The following PHACTR4 variants were observed in gnomAD, a reference collection of about 807,000 sequenced individuals.
PHACTR4 encodes the protein phosphatase and actin regulator 4, also known as protein phosphatase 1, regulatory subunit 124.
PHACTR4 carries 51 observed loss-of-function variants against 72.7 expected under a neutral mutation model. That is an observed-to-expected ratio of 0.70 (90% CI 0.56 to 0.89). The LOEUF (loss-of-function observed/expected upper bound fraction) is 0.89, where lower values mean the gene tolerates loss of function less well. Ranked by LOEUF, PHACTR4 falls within the 40% of genes least tolerant of loss-of-function variation. PHACTR4 has a pLI of 0.00. For missense variants in PHACTR4, 731 were observed against 861.8 expected, an observed-to-expected ratio of 0.85 and a Z score of 1.90; for synonymous variants, 255 against 302.5, an observed-to-expected ratio of 0.84 and a Z score of 1.63.
intron 6 of PHACTR4, among the ~76,000 whole-genome samples, chr1:28,473,275 CAAAAAA>C (rs759485996): frequency 3.6e-5 from 3 of 82,282 alleles, no homozygotes; most frequent in Admixed American, 1.4e-4. Context: ...GACCCTGTCT[CAAAAAA>C]AAAAAAAAAA....
chr1:28,423,178 G>A (rs536836732), intron 2 of PHACTR4, among the ~76,000 whole-genome samples: 106 of 152,160 alleles, frequency 7.0e-4, no homozygotes, highest in Non-Finnish European at 1.9e-4. Flanking sequence ...TCTGGGAGGC[G>A]GGAGGATCCC....
intron 1 of PHACTR4, among the ~76,000 whole-genome samples, chr1:28,373,615 C>G (rs1341606914): frequency 6.6e-6 from 1 of 151,964 alleles, no homozygotes; most frequent in African/African-American, 2.4e-5. Flanking sequence ...TTTATAGAGA[C>G]AGGTCTCGCC....
chr1:28,415,668 G>A (rs1365557040), intron 2 of PHACTR4, among the ~76,000 whole-genome samples: 1 of 152,106 alleles, frequency 6.6e-6, no homozygotes, highest in Non-Finnish European at 1.5e-5. Flanking sequence ...AACATGACTT[G>A]TTGAAAATAC....
intron 9 of PHACTR4, among the ~76,000 whole-genome samples, chr1:28,483,872 ACTT>A (rs1171585625): frequency 6.6e-6 from 1 of 152,006 alleles, no homozygotes; most frequent in Non-Finnish European, 1.5e-5. Flanking sequence ...GATTTGGCAA[ACTT>A]CTTCTGTAAA....
chr1:28,448,406 G>A (rs1283034423), intron 2 of PHACTR4, among the ~76,000 whole-genome samples: 2 of 143,860 alleles, frequency 1.4e-5, no homozygotes, highest in African/African-American at 2.7e-5. Context: ...AGAAAAGAAA[G>A]GAAAGGAAAG....
At chr1:28,444,267 C>T (rs978348044) in intron 2 of PHACTR4, among the ~76,000 whole-genome samples, 5 of 122,294 alleles carry the variant, frequency 4.1e-5, no homozygotes, top group African/African-American at 9.2e-5. Context: ...TGCTCTGTCG[C>T]CAGGCTGGAA....
rs879042110 is a variant in PHACTR4, at chr1:28,499,065, C to CA, written c.*2534dup. On this transcript the variant is annotated 3_prime_UTR_variant, in exon 14 of 14. Transcript: ENST00000373839. The stretch of plus-strand genomic sequence containing the variant: ...CCTGGGCAACAGAGCGAGACTCCAT[C>CA]AAAAAAAAAAAAAAAAAAGAAGGAA... The CA allele has an allele frequency of 0.072, 5,951 of 82,188 alleles. 373 individuals carry two copies. The highest frequency in any genetic ancestry group is 0.18 in the African/African-American group (4,568 of 25,434). The allele number at this position is 82,188 out of a possible 1,614,324, so 5.1% of individuals were successfully genotyped here.
At chr1:28,443,419 C>T (rs1475681287) in intron 2 of PHACTR4, among the ~76,000 whole-genome samples, 1 of 151,906 alleles carries the variant, frequency 6.6e-6, no homozygotes, top group African/African-American at 2.4e-5. Context: ...GTAGCTGGGA[C>T]TACGGGTGCA....
At chr1:28,370,977 G>A (rs1651201731) in intron 1 of PHACTR4, among the ~76,000 whole-genome samples, 1 of 152,188 alleles carries the variant, frequency 6.6e-6, no homozygotes, top group Non-Finnish European at 1.5e-5. Flanking sequence ...AGGGGATGAG[G>A]TGTGGTAGAT....
chr1:28,376,781 C>T (rs1232904569), intron 1 of PHACTR4, among the ~76,000 whole-genome samples: 1 of 151,788 alleles, frequency 6.6e-6, no homozygotes, highest in Non-Finnish European at 1.5e-5. Context: ...GGACTATAGG[C>T]GCCCACCACC....
chr1:28,383,287 A>G (rs1403795137), intron 1 of PHACTR4, among the ~76,000 whole-genome samples: 1 of 152,116 alleles, frequency 6.6e-6, no homozygotes, highest in African/African-American at 2.4e-5. Flanking sequence ...GATGTTGGAT[A>G]GCATGATGCC....
chr1:28,372,097 C>T (rs865791954), intron 1 of PHACTR4, among the ~76,000 whole-genome samples: 1 of 151,142 alleles, frequency 6.6e-6, no homozygotes, highest in African/African-American at 2.4e-5. Flanking sequence ...GTTGGCCAGG[C>T]TGGTCTGGAA....
chr1:28,411,057 GT>G (rs1469713404), intron 2 of PHACTR4, among the ~76,000 whole-genome samples: 2 of 150,878 alleles, frequency 1.3e-5, no homozygotes, highest in African/African-American at 4.9e-5. Flanking sequence ...TTTTTTGGGG[GT>G]TTTTTTGAGG....
At chr1:28,404,876 AC>A (rs1349253375) in intron 1 of PHACTR4, among the ~76,000 whole-genome samples, 1 of 152,050 alleles carries the variant, frequency 6.6e-6, no homozygotes, top group Non-Finnish European at 1.5e-5. Flanking sequence ...CCCGGTAATA[AC>A]CATAACACCT....
At chr1:28,415,759 C>A (rs1425614082) in intron 2 of PHACTR4, among the ~76,000 whole-genome samples, 1 of 152,072 alleles carries the variant, frequency 6.6e-6, no homozygotes, top group East Asian at 1.9e-4. Context: ...GTTGCAAAGG[C>A]TTTATTCATA....
In PHACTR4 at chr1:28,473,794, C is replaced by G; in HGVS notation, c.1064C>G (p.Pro355Arg). The G allele has an allele frequency of 1.2e-6, 2 of 1,614,084 alleles. No individual in the cohort carries two copies. The highest frequency in any genetic ancestry group is 1.7e-6 in the Non-Finnish European group (2 of 1,180,028). ...CTGCCTACTCATATACCTCCAGAGCCTCCACGCACCCCTCCATTCCCTGCT... is the reference window on the plus strand; with the variant it reads ...CTGCCTACTCATATACCTCCAGAGCGTCCACGCACCCCTCCATTCCCTGCT... ...PPLPTHIPPE[P>R]PRTPPFPAKT... The change falls in exon 7 of 14, where the codon CCT (proline) becomes CGT (arginine). Residue 355 changes from proline (P) to arginine (R), a missense_variant. Pro to Arg is a moderately radical substitution (Grantham distance 103). Coordinates refer to ENST00000373839, the MANE Select transcript of PHACTR4 (RefSeq NM_001048183.3).
intron 1 of PHACTR4, among the ~76,000 whole-genome samples, chr1:28,394,782 G>A (rs1006669620): frequency 4.2e-4 from 64 of 151,980 alleles, no homozygotes; most frequent in Non-Finnish European, 1.3e-4. Flanking sequence ...TTTTAGTGGA[G>A]ATGGGGTTTC....
intron 2 of PHACTR4, among the ~76,000 whole-genome samples, chr1:28,433,618 C>T (rs1340022451): frequency 5.3e-5 from 8 of 151,236 alleles, no homozygotes; most frequent in African/African-American, 7.3e-5. Context: ...CCACCACACC[C>T]GGCTACTTTT....
chr1:28,455,184 CTT>C (rs1427063068), intron 2 of PHACTR4, among the ~76,000 whole-genome samples: 8 of 128,064 alleles, frequency 6.2e-5, no homozygotes, highest in African/African-American at 2.4e-4. Flanking sequence ...TTTTCTTTTT[CTT>C]TTTCTTTCTT....
Sources: allele counts gnomAD v4.1 joint callset (sites outside exome capture counted in the v4.1 genomes callset), GRCh38; gene constraint gnomAD v4.1.1; transcripts MANE v1.5; gene names NCBI Gene and HGNC (gene_info 2026-07-23, HGNC 2026-07-21).